CFAP161: variants seen among roughly 807,000 people sequenced by gnomAD.
The protein encoded by CFAP161 is cilia and flagella associated protein 161.
In CFAP161, 25 loss-of-function variants were observed where a neutral mutation model predicts 29.0. That is an observed-to-expected ratio of 0.86 (90% CI 0.63 to 1.20). The LOEUF (loss-of-function observed/expected upper bound fraction) is 1.20, where lower values mean the gene tolerates loss of function less well. Among genes scored for constraint, CFAP161 ranks in the 50% most tolerant of loss-of-function variants. CFAP161 has a pLI of 0.00. For missense variants in CFAP161, 367 were observed against 371.9 expected (o/e 0.99, Z 0.11); for synonymous variants, 116 against 137.4 (o/e 0.84, Z 1.09).
upstream of CFAP161, among the ~76,000 whole-genome samples, chr15:81,130,732 C>T (rs1200010447): frequency 2.6e-5 from 4 of 152,098 alleles, no homozygotes; most frequent in Non-Finnish European, 5.9e-5. Flanking sequence ...CAGAGACAGA[C>T]ATTTGGCTCT....
chr15:81,135,212 A>G, intron 1 of CFAP161, 58 bp from the exon 2 acceptor site: 1 of 1,243,504 alleles, frequency 8.0e-7, no homozygotes. Context: ...CTGACCTAAA[A>G]GTTATTAATA....
chr15:81,137,678 A>G (rs142976243), intron 3 of CFAP161, among the ~76,000 whole-genome samples: 1,645 of 152,344 alleles, frequency 0.011, 66 homozygotes, highest in Admixed American at 0.068. Context: ...TGTTATCCTG[A>G]AGGATTAAGA....
At chr15:81,117,340 G>T (rs908011808) in intron 1 of CFAP161, among the ~76,000 whole-genome samples, 1 of 152,026 alleles carries the variant, frequency 6.6e-6, no homozygotes, top group African/African-American at 2.4e-5. Flanking sequence ...GCCACAGATG[G>T]TTGACTCACC....
chr15:81,144,862 C>T (rs1894980245), intron 5 of CFAP161, among the ~76,000 whole-genome samples: 1 of 151,838 alleles, frequency 6.6e-6, no homozygotes, highest in African/African-American at 2.4e-5. Flanking sequence ...GCCACATAGT[C>T]AATGCAGTGG....
At chr15:81,137,388 A>C (rs1305044410) in intron 3 of CFAP161, among the ~76,000 whole-genome samples, 1 of 152,174 alleles carries the variant, frequency 6.6e-6, no homozygotes, top group Admixed American at 6.5e-5. Context: ...TGAGGTCTGG[A>C]GTTCGAGACC....
chr15:81,125,851 GT>G (rs889703375), intron 1 of CFAP161, among the ~76,000 whole-genome samples: 7 of 151,876 alleles, frequency 4.6e-5, no homozygotes, highest in East Asian at 1.9e-4. Context: ...ACAACTCATT[GT>G]TTTTTTTGTT....
intron 1 of CFAP161, among the ~76,000 whole-genome samples, chr15:81,101,495 C>T (rs1894302879): frequency 7.7e-6 from 1 of 129,384 alleles, no homozygotes; most frequent in Non-Finnish European, 1.6e-5. Context: ...CCACAGCACT[C>T]CAGCCTGGGT....
At chr15:81,134,235 C>A (rs999606412), upstream of CFAP161, 123 of 1,450,658 alleles carry the variant, frequency 8.5e-5, no homozygotes, top group Non-Finnish European at 1.1e-4. Context: ...GGGTCCCAGA[C>A]CTTGACCAAT....
At chr15:81,115,535 T>G (rs1894486610) in intron 1 of CFAP161, among the ~76,000 whole-genome samples, 2 of 152,158 alleles carry the variant, frequency 1.3e-5, no homozygotes, top group Non-Finnish European at 1.5e-5. Flanking sequence ...TATGTCAAAG[T>G]GCTGAGCCAG....
Position 81,148,543 on chromosome 15 carries a change from C to T in CFAP161, c.*10C>T. 1 of 1,603,948 alleles carries T rather than the reference C, an allele frequency of 6.2e-7. No individual in the cohort carries two copies. Reference sequence around the variant, plus strand: ...CCTTGACACGCAGTAACACGCCAGGCACGTGCATGTTTTCCCTGGTCCCGC... The same window carrying T: ...CCTTGACACGCAGTAACACGCCAGGTACGTGCATGTTTTCCCTGGTCCCGC... On this transcript the variant is annotated 3_prime_UTR_variant, in exon 7 of 7. Coordinates refer to ENST00000286732, the MANE Select transcript of CFAP161 (RefSeq NM_173528.4).
At position 81,110,634 on chromosome 15, in the gene CFAP161, CCT is replaced by C. The variant is rs1293734840; in HGVS notation, c.-141-16955_-141-16954del. 1.5e-3 allele frequency among the ~76,000 whole-genome samples: 231 copies of C among 152,264 alleles called. 1 individual carries two copies. Among genetic ancestry groups the C allele is most frequent in the African/African-American group, 5.0e-3 (209 of 41,560 alleles). Reference sequence around the variant, plus strand: ...AGAGTGTTAACTACAAAAGGGTTTCCCTTTTTAGAAGCCAGTGGAGAAAGTAA... The same window carrying C: ...AGAGTGTTAACTACAAAAGGGTTTCCTTTTAGAAGCCAGTGGAGAAAGTAA... On this transcript the variant is annotated intron_variant, in intron 1 of 4. Coordinates refer to the CFAP161 transcript ENST00000560091.
chr15:81,138,747 C>G (rs75722828), intron 4 of CFAP161, among the ~76,000 whole-genome samples: 2,192 of 152,246 alleles, frequency 0.014, 49 homozygotes, highest in African/African-American at 0.048. Context: ...TACCTTACTA[C>G]ATGCCAGGCA....
intron 4 of CFAP161, among the ~76,000 whole-genome samples, chr15:81,138,869 T>C (rs1324630373): frequency 6.6e-6 from 1 of 152,194 alleles, no homozygotes; most frequent in Non-Finnish European, 1.5e-5. Flanking sequence ...CACCAAGAGG[T>C]TAAGTGATTT....
chr15:81,141,075 CT>C (rs1450863664), intron 4 of CFAP161, among the ~76,000 whole-genome samples: 1 of 152,074 alleles, frequency 6.6e-6, no homozygotes, highest in African/African-American at 2.4e-5. Flanking sequence ...CCTTCTGCCC[CT>C]GTGGGGAAAA....
intron 1 of CFAP161, 56 bp from the exon 2 acceptor site, chr15:81,135,214 T>C (rs1894788008): frequency 1.6e-6 from 2 of 1,258,020 alleles, no homozygotes; most frequent in Admixed American, 4.9e-5. Context: ...GACCTAAAAG[T>C]TATTAATACT....
chr15:81,102,050 T>C (rs1567149056), intron 1 of CFAP161, among the ~76,000 whole-genome samples: 1 of 152,218 alleles, frequency 6.6e-6, no homozygotes, highest in Non-Finnish European at 1.5e-5. Context: ...ATTTAGTTGT[T>C]ATTGAATTTC....
chr15:81,141,954 G>A (rs925713575), intron 4 of CFAP161, among the ~76,000 whole-genome samples: 1 of 152,142 alleles, frequency 6.6e-6, no homozygotes, highest in Non-Finnish European at 1.5e-5. Context: ...AAAGTGCTGG[G>A]ATTACAGGCA....
At chr15:81,117,964 C>T in intron 1 of CFAP161, 1 of 468,296 alleles carries the variant, frequency 2.1e-6, no homozygotes, top group South Asian at 2.2e-5. Context: ...GGTATCCAAG[C>T]AGGTCAGCTG....
intron 3 of CFAP161, among the ~76,000 whole-genome samples, chr15:81,137,797 C>T (rs1477564493): frequency 6.6e-6 from 1 of 152,196 alleles, no homozygotes; most frequent in East Asian, 1.9e-4. Context: ...GCTTAGTTTA[C>T]TCTAACCAGA....
Sources: gnomAD v4.1 joint callset for allele counts (sites outside exome capture counted in the v4.1 genomes callset) on GRCh38, gnomAD v4.1.1 for gene constraint, MANE v1.5 for transcripts, NCBI Gene and HGNC (gene_info 2026-07-23, HGNC 2026-07-21) for gene names.